Variants in AK5 observed in about 807,000 individuals in gnomAD.
AK5 encodes the protein adenylate kinase isoenzyme 5.
AK5 carries 27 observed loss-of-function variants against 69.5 expected under a neutral mutation model. That is an observed-to-expected ratio of 0.39 (90% CI 0.29 to 0.54). The LOEUF is 0.54. Among genes scored for constraint, AK5 ranks in the 20% least tolerant of loss-of-function variants. The probability of loss-of-function intolerance (pLI) is 0.71; values close to 1 mark genes in which losing one functional copy is unlikely to be tolerated. For missense variants in AK5, 531 were observed against 700.4 expected, an observed-to-expected ratio of 0.76 and a Z score of 2.73; for synonymous variants, 260 against 244.4, an observed-to-expected ratio of 1.06 and a Z score of -0.60.
intron 8 of AK5, among the ~76,000 whole-genome samples, chr1:77,475,222 A>T (rs1014462250): frequency 5.5e-5 from 8 of 144,792 alleles, no homozygotes; most frequent in African/African-American, 2.1e-4. Context: ...TGTATTCTAT[A>T]TACTCCATAT....
chr1:77,367,589 T>TTATATATATATGTTATATATATGTAA (rs374382779), intron 6 of AK5, among the ~76,000 whole-genome samples: 2 of 43,596 alleles, frequency 4.6e-5, no homozygotes, highest in African/African-American at 1.6e-4. Context: ...AATATATATG[T>TTATATATATATGTTATATATATGTAA]TATATATGTA....
intron 6 of AK5, among the ~76,000 whole-genome samples, chr1:77,370,290 A>T (rs1394583579): frequency 1.3e-5 from 2 of 152,132 alleles, no homozygotes; most frequent in Non-Finnish European, 2.9e-5. Context: ...CTGCCCTAAC[A>T]CTTTTCCCCG....
intron 5 of AK5, among the ~76,000 whole-genome samples, chr1:77,331,587 A>T (rs1461572837): frequency 6.6e-6 from 1 of 152,192 alleles, no homozygotes; most frequent in African/African-American, 2.4e-5. Flanking sequence ...CATGATATGT[A>T]TAATCCTTTT....
At chr1:77,483,415 C>G (rs1389289470) in intron 9 of AK5, 56 bp downstream of exon 9, 3 of 1,344,810 alleles carry the variant, frequency 2.2e-6, no homozygotes, top group Non-Finnish European at 3.2e-6. Flanking sequence ...TTTGACCATG[C>G]CTTTTTAATT....
At chr1:77,531,307 C>G (rs376804388) in intron 12 of AK5, among the ~76,000 whole-genome samples, 1 of 152,156 alleles carries the variant, frequency 6.6e-6, no homozygotes, top group South Asian at 2.1e-4. Flanking sequence ...ACAGTGTGGA[C>G]GGGGACCCCA....
chr1:77,437,776 G>A (rs1220441932), intron 8 of AK5, among the ~76,000 whole-genome samples: 3 of 152,022 alleles, frequency 2.0e-5, no homozygotes, highest in Non-Finnish European at 2.9e-5. Flanking sequence ...TTAGAAAAAG[G>A]TATTTAAAGG....
chr1:77,323,786 A>G (rs1337113367), intron 5 of AK5, among the ~76,000 whole-genome samples: 2 of 152,248 alleles, frequency 1.3e-5, no homozygotes, highest in South Asian at 2.1e-4. Flanking sequence ...GCATACATAC[A>G]CGTGTGTGTA....
In AK5 at chr1:77,297,585, C is replaced by T; in HGVS notation, c.442C>T (p.Gln148Ter). 1 of 1,610,786 alleles carries T rather than the reference C, an allele frequency of 6.2e-7. No individual in the cohort carries two copies. Among genetic ancestry groups the T allele is most frequent in the Non-Finnish European group, 8.5e-7 (1 of 1,178,938 alleles). Residue 148 changes from glutamine to a stop codon, truncating the protein, a stop_gained, in exon 4 of 14, where the codon CAG becomes TAG. Coordinates refer to ENST00000354567, the MANE Select transcript of AK5 (RefSeq NM_174858.3). LOFTEE classifies it high-confidence loss of function. Reference sequence around the variant, plus strand: ...TGGTCCAGGAAGTGGAAAGGGTACTCAGAGTTTGAAAATTGCAGAACGATA... The same window carrying T: ...TGGTCCAGGAAGTGGAAAGGGTACTTAGAGTTTGAAAATTGCAGAACGATA... ...IGGPGSGKGT[Q>*]SLKIAERYGF... is the part of the protein sequence containing the mutation.
intron 8 of AK5, among the ~76,000 whole-genome samples, chr1:77,443,457 T>C (rs945725325): frequency 6.6e-6 from 1 of 152,174 alleles, no homozygotes; most frequent in African/African-American, 2.4e-5. Flanking sequence ...TTGCAGACTA[T>C]TTTGATTAAA....
chr1:77,311,522 T>C (rs901255490), intron 5 of AK5, among the ~76,000 whole-genome samples: 1 of 152,140 alleles, frequency 6.6e-6, no homozygotes, highest in Admixed American at 6.5e-5. Flanking sequence ...GATTAAATGA[T>C]ATAAAATATC....
intron 5 of AK5, 65 bp downstream of exon 5, chr1:77,298,012 A>G: frequency 8.3e-7 from 1 of 1,197,650 alleles, no homozygotes; most frequent in Non-Finnish European, 1.2e-6. Flanking sequence ...AATAAAAACA[A>G]AAAGACTTCT....
At chr1:77,429,803 A>T (rs1325801623) in intron 8 of AK5, among the ~76,000 whole-genome samples, 2 of 152,204 alleles carry the variant, frequency 1.3e-5, no homozygotes, top group Admixed American at 1.3e-4. Flanking sequence ...GGTCATAGGT[A>T]ACCAAGTATG....
At chr1:77,402,541 C>A (rs908337771) in intron 6 of AK5, among the ~76,000 whole-genome samples, 9 of 150,034 alleles carry the variant, frequency 6.0e-5, no homozygotes, top group African/African-American at 1.7e-4. Context: ...TGAGAACATG[C>A]GGTGTTTGGT....
intron 8 of AK5, among the ~76,000 whole-genome samples, chr1:77,472,559 G>A (rs1179993864): frequency 6.6e-6 from 1 of 151,834 alleles, no homozygotes; most frequent in Admixed American, 6.6e-5. Context: ...TCCAAAAAGA[G>A]AGGTGGGCTC....
intron 8 of AK5, among the ~76,000 whole-genome samples, chr1:77,474,857 C>G (rs12746354): frequency 0.15 from 22,600 of 152,084 alleles, 1,885 homozygotes; most frequent in Admixed American, 0.21. Context: ...CAGGCTAGAG[C>G]ACAGTGGTGC....
At chr1:77,330,477 G>A (rs914639929) in intron 5 of AK5, among the ~76,000 whole-genome samples, 1 of 152,088 alleles carries the variant, frequency 6.6e-6, no homozygotes, top group Non-Finnish European at 1.5e-5. Flanking sequence ...ACTTTACCCA[G>A]TACCATTTGT....
intron 8 of AK5, among the ~76,000 whole-genome samples, chr1:77,425,066 T>C (rs2100598259): frequency 6.6e-6 from 1 of 152,340 alleles, no homozygotes; most frequent in East Asian, 1.9e-4. Context: ...AAAATCATTT[T>C]TACTTTCTTT....
chr1:77,537,181 G>T (rs758586319), intron 13 of AK5, among the ~76,000 whole-genome samples: 1 of 152,166 alleles, frequency 6.6e-6, no homozygotes, highest in African/African-American at 2.4e-5. Context: ...GGAAAGGAAA[G>T]GATCCAGGAA....
intron 7 of AK5, among the ~76,000 whole-genome samples, chr1:77,413,236 T>C (rs933222653): frequency 6.6e-6 from 1 of 152,022 alleles, no homozygotes; most frequent in African/African-American, 2.4e-5. Flanking sequence ...GCCTTAGGCA[T>C]TTTCCACCTG....
Sources: allele counts gnomAD v4.1 joint callset (sites outside exome capture counted in the v4.1 genomes callset), GRCh38; gene constraint gnomAD v4.1.1; transcripts MANE v1.5; gene names NCBI Gene and HGNC (gene_info 2026-07-23, HGNC 2026-07-21).